The following SYNPO variants were observed in gnomAD, a reference collection of about 807,000 sequenced individuals.
SYNPO encodes synaptopodin.
In SYNPO, 19 loss-of-function variants were observed where a neutral mutation model predicts 49.5. The ratio of observed to expected loss-of-function variants is 0.38; its 90% CI spans 0.27 to 0.56. The LOEUF (loss-of-function observed/expected upper bound fraction) is 0.56. SYNPO is among the 20% of genes least tolerant of loss of function. The pLI is 0.68. For synonymous variants in SYNPO, 536 were observed against 548.0 expected (o/e 0.98, Z 0.31); for missense variants, 1,131 against 1,248.3 (o/e 0.91, Z 1.42).
At chr5:150,630,586 C>T (rs1308275794) in intron 2 of SYNPO, among the ~76,000 whole-genome samples, 4 of 152,196 alleles carry the variant, frequency 2.6e-5, no homozygotes, top group Non-Finnish European at 2.9e-5. Context: ...AGCATGCCAC[C>T]ACCCAACCTG....
the SYNPO span, among the ~76,000 whole-genome samples, chr5:150,592,811 C>T: frequency 6.6e-6 from 1 of 152,188 alleles, no homozygotes; most frequent in South Asian, 2.1e-4. Flanking sequence ...CAAATCACAC[C>T]CTCTCAAGAT....
At chr5:150,612,966 CG>C (rs1756889641) in intron 1 of SYNPO, among the ~76,000 whole-genome samples, 1 of 151,950 alleles carries the variant, frequency 6.6e-6, no homozygotes, top group Non-Finnish European at 1.5e-5. Flanking sequence ...TTTGTAGAGA[CG>C]GGGGTCTCAC....
intron 2 of SYNPO, among the ~76,000 whole-genome samples, chr5:150,633,229 G>A (rs753660369): frequency 3.9e-5 from 6 of 152,238 alleles, no homozygotes; most frequent in East Asian, 1.9e-4. Context: ...GCCTTTGCCT[G>A]TGTGAGAGCT....
intron 1 of SYNPO, among the ~76,000 whole-genome samples, chr5:150,646,155 C>A (rs1758082692): frequency 6.8e-6 from 1 of 147,266 alleles, no homozygotes; most frequent in Non-Finnish European, 1.5e-5. Context: ...CACAGGGAGA[C>A]CCCTTCTCTA....
At chr5:150,637,108 G>GAATTTGATGGAGAT (rs1419775991), upstream of SYNPO, among the ~76,000 whole-genome samples, 1 of 152,212 alleles carries the variant, frequency 6.6e-6, no homozygotes, top group Non-Finnish European at 1.5e-5. Flanking sequence ...GTGATTTACT[G>GAATTTGATGGAGAT]AAGGTAGCCC....
At chr5:150,612,402 G>A (rs1756873483) in intron 1 of SYNPO, among the ~76,000 whole-genome samples, 1 of 152,232 alleles carries the variant, frequency 6.6e-6, no homozygotes, top group African/African-American at 2.4e-5. Flanking sequence ...CCAGACATCA[G>A]AGAGAAGCTC....
upstream of SYNPO, among the ~76,000 whole-genome samples, chr5:150,597,783 C>A (rs536323046): frequency 2.6e-5 from 4 of 152,138 alleles, no homozygotes; most frequent in African/African-American, 4.8e-5. Context: ...GCACTACAGG[C>A]GCATGCCACC....
the SYNPO span, among the ~76,000 whole-genome samples, chr5:150,590,145 A>C: frequency 1.3e-5 from 2 of 152,200 alleles, no homozygotes; most frequent in Non-Finnish European, 2.9e-5. Flanking sequence ...GGCTCCCATC[A>C]AAGCGCCAGC....
chr5:150,647,870 T>G (rs1758161689), intron 1 of SYNPO, 74 bp from the exon 2 acceptor site: 1 of 1,367,282 alleles, frequency 7.3e-7, no homozygotes, highest in Admixed American at 2.1e-5. Flanking sequence ...ACCATCTCTG[T>G]CTGCCTGTTT....
At position 150,656,837 on chromosome 5, in the gene SYNPO, C is replaced by G. The variant is rs1232352706; in HGVS notation, c.2462C>G (p.Ala821Gly). The change falls in exon 3 of 3, where the codon GCG becomes GGG. Residue 821 changes from alanine (A) to glycine (G), a missense_variant. Around this residue, in one of 4 missense-constraint regions of SYNPO, gnomAD observed 509 missense variants for 484.5 expected, o/e 1.05. Transcript: ENST00000307662. ...GCTGCTGTGCCGGGGGCAGCCTTCG[C>G]GCCCATCCCGCGGAGCCCGTTGCCC... is the stretch of plus-strand genomic sequence containing the variant. Reference protein sequence around the residue: ...GSAAVPGAAFAPIPRSPLPAG... With the variant: ...GSAAVPGAAFGPIPRSPLPAG... The G allele has an allele frequency of 6.5e-7, 1 of 1,545,182 alleles. No homozygotes were observed. The highest frequency in any genetic ancestry group is 8.7e-7 in the Non-Finnish European group (1 of 1,149,280).
At chr5:150,597,931 C>A (rs1355428335), upstream of SYNPO, among the ~76,000 whole-genome samples, 7 of 152,184 alleles carry the variant, frequency 4.6e-5, no homozygotes, top group Non-Finnish European at 8.8e-5. Context: ...AGCCACCGCA[C>A]CCAGACCACA....
Position 150,605,263 on chromosome 5 carries a change from A to T in SYNPO, c.-266+4075A>T, listed in dbSNP as rs376905054. Among the ~76,000 whole-genome samples, 3 of 152,144 alleles carry T rather than the reference A, an allele frequency of 2.0e-5. No individual in the cohort carries two copies. In the South Asian group the frequency reaches 6.2e-4, roughly 32 times the overall value. ...TGGGGCTCTCCCTGAGGCTGGTCTC[A>T]AATCTTGCCATAAACACTACCAAAA... On this transcript the variant is annotated intron_variant, in intron 1 of 2. Transcript: ENST00000394243.
Position 150,649,792 on chromosome 5 carries a change from C to T in SYNPO, c.1517C>T (p.Ala506Val). The change falls in exon 2 of 3, where the codon GCC (alanine) becomes GTC (valine). Residue 506 changes from alanine to valine, a missense_variant. Ala to Val is a moderately conservative substitution (Grantham distance 64). Transcript: ENST00000307662. ...IESSSHTPEL[A>V]RCPSPTMSLP... ...TCTTCAAGCCACACGCCAGAGCTGG[C>T]CCGCTGCCCATCACCTACCATGTCC... 6.2e-7 allele frequency: 1 copy of T among 1,611,766 alleles called. No individual in the cohort carries two copies.
rs879622385 is a variant in SYNPO, at chr5:150,657,444, A to T, written c.*357A>T. The T allele has an allele frequency of 0.019, 3,834 of 197,912 alleles. 64 individuals are homozygous for T. The highest frequency in any genetic ancestry group is 0.063 in the African/African-American group (2,399 of 37,916). The allele number at this position is 197,912 out of a possible 1,614,324, so 12.3% of individuals were successfully genotyped here. A position where few individuals can be genotyped will look rare whatever the true frequency, so the allele number is the denominator to read the frequency against. On this transcript the variant is annotated 3_prime_UTR_variant, in exon 3 of 3. Coordinates refer to ENST00000307662, the MANE Select transcript of SYNPO (RefSeq NM_007286.6). The stretch of plus-strand genomic sequence containing the variant: ...CTCTCTCTCTCTCTCACACACACAC[A>T]CACACACACACACACACACACACAC...
chr5:150,637,987 G>A (rs1298158887), upstream of SYNPO, among the ~76,000 whole-genome samples: 1 of 151,982 alleles, frequency 6.6e-6, no homozygotes, highest in Non-Finnish European at 1.5e-5. Flanking sequence ...GTGGAACTGT[G>A]CCTAGCCCTC....
intron 2 of SYNPO, chr5:150,625,043 G>A: frequency 2.2e-6 from 2 of 911,008 alleles, no homozygotes; most frequent in Non-Finnish European, 2.6e-6. Context: ...GGGTGACCTT[G>A]GCCAAGTCGC....
chr5:150,642,973 C>T (rs1208897549), intron 1 of SYNPO, among the ~76,000 whole-genome samples: 4 of 152,256 alleles, frequency 2.6e-5, no homozygotes, highest in Non-Finnish European at 5.9e-5. Flanking sequence ...TCACATCCTC[C>T]TCTCTGACCT....
At chr5:150,605,136 G>T (rs995373986) in intron 1 of SYNPO, among the ~76,000 whole-genome samples, 1 of 152,180 alleles carries the variant, frequency 6.6e-6, no homozygotes, top group African/African-American at 2.4e-5. Flanking sequence ...AGAGGCCTTT[G>T]CTCCTCAAAT....
chr5:150,618,816 C>A, intron 2 of SYNPO: 1 of 1,548,288 alleles, frequency 6.5e-7, no homozygotes, highest in South Asian at 1.2e-5. Context: ...ACTGGAGACC[C>A]CCCAGGTCCT....
Sources: gnomAD v4.1 joint callset for allele counts (sites outside exome capture counted in the v4.1 genomes callset) on GRCh38, gnomAD v4.1.1 for gene constraint, gnomAD v4.1.1 regional missense constraint, MANE v1.5 for transcripts, NCBI Gene and HGNC (gene_info 2026-07-23, HGNC 2026-07-21) for gene names.